The following DSCAML1 variants were observed in gnomAD, a reference collection of about 807,000 sequenced individuals.
DSCAML1 encodes the protein cell adhesion molecule DSCAML1.
Under a neutral mutation model 200.5 loss-of-function variants are expected in DSCAML1, and 38 were observed. The observed-to-expected ratio is 0.19, with a 90% confidence interval of 0.15 to 0.25. The LOEUF (loss-of-function observed/expected upper bound fraction) is 0.25. Among genes scored for constraint, DSCAML1 ranks in the 10% least tolerant of loss-of-function variants. The pLI is 1.00. For missense variants in DSCAML1, 2,223 were observed against 2,858.8 expected (o/e 0.78, Z 5.07); for synonymous variants, 1,215 against 1,165.0 (o/e 1.04, Z -0.87).
intron 3 of DSCAML1, among the ~76,000 whole-genome samples, chr11:117,700,891 C>G (rs191296343): frequency 6.6e-6 from 1 of 152,230 alleles, no homozygotes; most frequent in Non-Finnish European, 1.5e-5. Context: ...CAGGGTTCAC[C>G]GCCTACCCTT....
Position 117,439,745 on chromosome 11 carries a change from A to G in DSCAML1, c.3980+74T>C, listed in dbSNP as rs112226546. The stretch of plus-strand genomic sequence containing the variant: ...GGGTCACCAGGCAGGAGGGCCCCAG[A>G]CTCTTCTCCACACCGCTCTTCTACT... On this transcript the variant is annotated intron_variant, in intron 22 of 32. Coordinates refer to ENST00000651296, the MANE Select transcript of DSCAML1 (RefSeq NM_020693.4). The G allele has an allele frequency of 1.8e-3, 2,506 of 1,413,080 alleles. 42 individuals are homozygous for G. The African/African-American group carries it at 0.032, about 18-fold the overall frequency. 87.5% of individuals were successfully genotyped at this position (1,413,080 alleles called of 1,614,324 possible). A position where few individuals can be genotyped will look rare whatever the true frequency, so the allele number is the denominator to read the frequency against.
At position 117,431,609 on chromosome 11, in the gene DSCAML1, G is replaced by A. The variant is rs760547562; in HGVS notation, c.5299C>T (p.Arg1767Cys). 113 of 1,612,906 alleles carry A rather than the reference G, an allele frequency of 7.0e-5. No individual in the cohort carries two copies. Among genetic ancestry groups the A allele is most frequent in the Middle Eastern group, 1.7e-4 (1 of 6,052 alleles). ...ACACCATGCTGGGAGCCCACGGTGC[G>A]CCAGTCGGAGGTGAGGGTGCGGGCA... ...TPARTLTSDW[R>C]TVGSQHGVTV... Residue 1767 changes from arginine (R) to cysteine (C), a missense_variant, in exon 31 of 33, where the codon CGC (arginine) becomes TGC (cysteine). Physicochemically the swap from Arg to Cys is radical, Grantham distance 180. This residue lies in a region of DSCAML1 where 614 missense variants were observed against 739.1 expected (regional missense o/e 0.83). Transcript: ENST00000651296.
At chr11:117,497,897 G>A (rs2049322585) in intron 11 of DSCAML1, among the ~76,000 whole-genome samples, 1 of 152,254 alleles carries the variant, frequency 6.6e-6, no homozygotes, top group Non-Finnish European at 1.5e-5. Context: ...TCCTCCCCCT[G>A]CTGCTTGCAG....
At chr11:117,573,557 TCA>T (rs141517844) in intron 3 of DSCAML1, among the ~76,000 whole-genome samples, 1 of 152,280 alleles carries the variant, frequency 6.6e-6, no homozygotes, top group East Asian at 1.9e-4. Flanking sequence ...TGGGCATCCC[TCA>T]GTCACAACAT....
intron 15 of DSCAML1, 117 bp from the exon 16 acceptor site, chr11:117,470,097 T>A (rs866872546): frequency 1.1e-6 from 1 of 886,648 alleles, no homozygotes; most frequent in Middle Eastern, 2.8e-4. Flanking sequence ...AAGACTAAGC[T>A]CAGATGCAGA....
At chr11:117,794,312 G>A (rs1280163388) in intron 1 of DSCAML1, among the ~76,000 whole-genome samples, 2 of 152,150 alleles carry the variant, frequency 1.3e-5, no homozygotes, top group African/African-American at 2.4e-5. Flanking sequence ...AGAGCGCCTC[G>A]CCGGGGTTCA....
At chr11:117,494,731 T>G (rs534238831) in intron 11 of DSCAML1, among the ~76,000 whole-genome samples, 1 of 152,266 alleles carries the variant, frequency 6.6e-6, no homozygotes, top group East Asian at 1.9e-4. Context: ...GGTGAGCCCT[T>G]AATCCAATAG....
At chr11:117,582,692 G>A (rs999442293) in intron 3 of DSCAML1, among the ~76,000 whole-genome samples, 6 of 152,146 alleles carry the variant, frequency 3.9e-5, no homozygotes, top group African/African-American at 1.4e-4. Context: ...GCAGGGCCCT[G>A]CCAGGAAGCC....
At chr11:117,524,425 C>G (rs748935361) in intron 5 of DSCAML1, among the ~76,000 whole-genome samples, 4 of 152,226 alleles carry the variant, frequency 2.6e-5, no homozygotes, top group Non-Finnish European at 5.9e-5. Flanking sequence ...GACACTACCT[C>G]CCTACAAGCC....
chr11:117,807,420 G>A (rs1451580331), intron 1 of DSCAML1, among the ~76,000 whole-genome samples: 1 of 152,148 alleles, frequency 6.6e-6, no homozygotes, highest in African/African-American at 2.4e-5. Context: ...CTCTGCCTGG[G>A]AGGAAATGAC....
At chr11:117,618,626 C>A (rs2051861381) in intron 3 of DSCAML1, among the ~76,000 whole-genome samples, 1 of 151,978 alleles carries the variant, frequency 6.6e-6, no homozygotes, top group Non-Finnish European at 1.5e-5. Context: ...CCTAAAGTGT[C>A]CATGTGACTT....
At chr11:117,429,180 G>A (rs757398926) in intron 32 of DSCAML1, among the ~76,000 whole-genome samples, 3 of 152,178 alleles carry the variant, frequency 2.0e-5, no homozygotes, top group East Asian at 1.9e-4. Context: ...TGCTAAGGAC[G>A]AGGATGTCCT....
chr11:117,684,371 A>G (rs1306179885), intron 3 of DSCAML1, among the ~76,000 whole-genome samples: 1 of 151,612 alleles, frequency 6.6e-6, no homozygotes, highest in East Asian at 1.9e-4. Context: ...CCTACACAGA[A>G]AGGTATGAAA....
At chr11:117,569,940 T>C (rs1257607138) in intron 3 of DSCAML1, among the ~76,000 whole-genome samples, 2 of 152,180 alleles carry the variant, frequency 1.3e-5, no homozygotes, top group Non-Finnish European at 2.9e-5. Flanking sequence ...TGGCATGGGA[T>C]GTGAATGAGA....
At chr11:117,798,949 G>T (rs752485365), upstream of DSCAML1, among the ~76,000 whole-genome samples, 1 of 152,160 alleles carries the variant, frequency 6.6e-6, no homozygotes, top group African/African-American at 2.4e-5. Flanking sequence ...GAGGTGTTTT[G>T]TCATCTGGAA....
intron 3 of DSCAML1, among the ~76,000 whole-genome samples, chr11:117,575,197 TAAAAAAC>T (rs1016883624): frequency 6.6e-5 from 10 of 151,984 alleles, no homozygotes; most frequent in Admixed American, 4.6e-4. Flanking sequence ...ATTTCAAAAA[TAAAAAAC>T]AGAACAGAAG....
At chr11:117,515,011 GCACACAGTGCGCCTGC>G (rs1435261608) in intron 8 of DSCAML1, among the ~76,000 whole-genome samples, 113 of 152,366 alleles carry the variant, frequency 7.4e-4, no homozygotes, top group African/African-American at 2.6e-3. Flanking sequence ...AATGTGAGAG[GCACACAGTGCGCCTGC>G]CGCAGTGACA....
chr11:117,751,859 T>A (rs1274743726), intron 3 of DSCAML1, among the ~76,000 whole-genome samples: 2 of 152,102 alleles, frequency 1.3e-5, no homozygotes, highest in Non-Finnish European at 2.9e-5. Context: ...CCTTGAAAAG[T>A]GAGAGACTCA....
At chr11:117,468,964 GC>G (rs1223352264) in intron 16 of DSCAML1, among the ~76,000 whole-genome samples, 1 of 152,200 alleles carries the variant, frequency 6.6e-6, no homozygotes, top group Admixed American at 6.5e-5. Context: ...CAACCCCCGA[GC>G]CCCACTGTTG....
Sources: allele counts gnomAD v4.1 joint callset (sites outside exome capture counted in the v4.1 genomes callset), GRCh38; gene constraint gnomAD v4.1.1; regional missense constraint gnomAD v4.1.1; transcripts MANE v1.5; gene names NCBI Gene and HGNC (gene_info 2026-07-23, HGNC 2026-07-21).